Variants in MEIS2 observed in about 807,000 individuals in gnomAD.
MEIS2 encodes Meis homeobox 2, also known as homeobox protein Meis2.
A neutral mutation model predicts 58.6 loss-of-function variants in MEIS2; 9 were observed. That is an observed-to-expected ratio of 0.15 (90% CI 0.09 to 0.27). MEIS2 has a LOEUF of 0.27. Ranked by LOEUF, MEIS2 falls within the 10% of genes least tolerant of loss-of-function variation. The pLI is 1.00. For synonymous variants in MEIS2, 221 were observed against 228.4 expected, an observed-to-expected ratio of 0.97 and a Z score of 0.29; for missense variants, 427 against 635.0, an observed-to-expected ratio of 0.67 and a Z score of 3.52.
At chr15:36,998,125 C>G (rs1194615392) in intron 8 of MEIS2, among the ~76,000 whole-genome samples, 2 of 151,978 alleles carry the variant, frequency 1.3e-5, no homozygotes, top group African/African-American at 4.8e-5. Flanking sequence ...ATAGGTTGTT[C>G]ATGTCCTCCT....
chr15:36,942,891 G>T (rs1306752003), intron 9 of MEIS2, among the ~76,000 whole-genome samples: 1 of 151,954 alleles, frequency 6.6e-6, no homozygotes, highest in Non-Finnish European at 1.5e-5. Context: ...TATGATATTG[G>T]TATATTCTGA....
At chr15:36,902,424 GA>G (rs1260018826) in intron 9 of MEIS2, among the ~76,000 whole-genome samples, 5 of 152,242 alleles carry the variant, frequency 3.3e-5, no homozygotes, top group African/African-American at 7.2e-5. Context: ...GTGGGAGGTG[GA>G]TAGGGGAGTG....
chr15:37,073,061 G>C (rs1433587631), intron 7 of MEIS2, among the ~76,000 whole-genome samples: 1 of 151,998 alleles, frequency 6.6e-6, no homozygotes, highest in Admixed American at 6.6e-5. Context: ...TAGAACCCAG[G>C]ACAGTACTTG....
chr15:37,042,749 C>T (rs775924945), intron 7 of MEIS2, among the ~76,000 whole-genome samples: 5 of 152,164 alleles, frequency 3.3e-5, no homozygotes, highest in Non-Finnish European at 7.3e-5. Context: ...GCTAACTCTT[C>T]TCCAGAAGTC....
chr15:37,046,396 C>T (rs558850775), intron 7 of MEIS2, among the ~76,000 whole-genome samples: 4 of 152,188 alleles, frequency 2.6e-5, no homozygotes, highest in Admixed American at 2.6e-4. Context: ...TGCAAATGTG[C>T]GTCCAGAGAC....
intron 8 of MEIS2, among the ~76,000 whole-genome samples, chr15:36,964,143 C>T (rs182600100): frequency 6.6e-6 from 1 of 152,258 alleles, no homozygotes; most frequent in East Asian, 1.9e-4. Context: ...TAATACTCCC[C>T]AAAGGACGAA....
At chr15:37,094,614 G>T (rs747488244) in intron 4 of MEIS2, 37 bp from the exon 5 acceptor site, 5 of 1,588,392 alleles carry the variant, frequency 3.1e-6, no homozygotes, top group Non-Finnish European at 3.4e-6. Context: ...TTAGAGCTCT[G>T]TGACTCTGAG....
chr15:37,056,812 G>T (rs1211288403), intron 7 of MEIS2, among the ~76,000 whole-genome samples: 1 of 152,184 alleles, frequency 6.6e-6, no homozygotes, highest in Non-Finnish European at 1.5e-5. Flanking sequence ...CCCCCACCCT[G>T]GGCACAATGG....
intron 7 of MEIS2, among the ~76,000 whole-genome samples, chr15:37,040,186 C>T (rs1159785132): frequency 2.6e-5 from 4 of 151,946 alleles, no homozygotes; most frequent in Non-Finnish European, 4.4e-5. Flanking sequence ...CACAAATGCA[C>T]GTGCCAAATG....
chr15:36,991,783 C>CTTTTTTTTTTTTTTTTTTT (rs11285545), intron 8 of MEIS2, among the ~76,000 whole-genome samples: 3 of 51,036 alleles, frequency 5.9e-5, no homozygotes, highest in Admixed American at 2.8e-4. Flanking sequence ...TTTTTTTTTT[C>CTTTTTTTTTTTTTTTTTTT]TTTTTTTTTT....
At chr15:37,046,849 A>G (rs1050362253) in intron 7 of MEIS2, among the ~76,000 whole-genome samples, 2 of 150,878 alleles carry the variant, frequency 1.3e-5, no homozygotes, top group African/African-American at 4.9e-5. Flanking sequence ...ATATATATAT[A>G]TATATATTTA....
chr15:37,067,943 T>C (rs1243596456), intron 7 of MEIS2, among the ~76,000 whole-genome samples: 1 of 152,090 alleles, frequency 6.6e-6, no homozygotes, highest in Non-Finnish European at 1.5e-5. Flanking sequence ...CACATGCATA[T>C]TATTATCACT....
At chr15:37,014,245 T>G in intron 8 of MEIS2, among the ~76,000 whole-genome samples, 1 of 152,176 alleles carries the variant, frequency 6.6e-6, no homozygotes, top group Non-Finnish European at 1.5e-5. Context: ...TATCTGCACT[T>G]CAAAGTCAGC....
rs114705295 is a variant in MEIS2, at chr15:36,907,512, C to A, written c.978-10826G>T. ...AAGCAGCAGGGGATACTTCAGAAGA[C>A]CAGATTGGCATGCCAGAAGTGTTTG... On this transcript the variant is annotated intron_variant, in intron 9 of 11. Transcript: ENST00000561208. Among the ~76,000 whole-genome samples the A allele has an allele frequency of 3.5e-3, 534 of 152,256 alleles. 5 individuals carry two copies. The highest frequency in any genetic ancestry group is 0.012 in the African/African-American group (516 of 41,548).
At chr15:36,941,085 A>C (rs924796189) in intron 9 of MEIS2, among the ~76,000 whole-genome samples, 1 of 152,168 alleles carries the variant, frequency 6.6e-6, no homozygotes, top group Non-Finnish European at 1.5e-5. Flanking sequence ...CAAACACGGA[A>C]ACACAGAATC....
At position 37,011,910 on chromosome 15, in the gene MEIS2, G is replaced by A. The variant is rs569955134; in HGVS notation, c.900+24904C>T. Among the ~76,000 whole-genome samples the A allele has an allele frequency of 3.9e-5, 6 of 152,138 alleles. No individual in the cohort carries two copies. The East Asian group carries it at 1.2e-3, about 29-fold the overall frequency. On this transcript the variant is annotated intron_variant, in intron 8 of 11. Coordinates refer to ENST00000561208, the MANE Select transcript of MEIS2 (RefSeq NM_170675.5). ...TGGGATTACAGGTGTGAGGCACTGC[G>A]CCCGGTGGTGGTTTTACAGTCCATA...
At chr15:37,086,850 G>T (rs1892956436) in intron 6 of MEIS2, among the ~76,000 whole-genome samples, 1 of 152,134 alleles carries the variant, frequency 6.6e-6, no homozygotes, top group Non-Finnish European at 1.5e-5. Context: ...ACAAAAAATT[G>T]TTCCTCCTTG....
chr15:37,011,862 C>G (rs935862919), intron 8 of MEIS2, among the ~76,000 whole-genome samples: 4 of 151,972 alleles, frequency 2.6e-5, no homozygotes. Context: ...TCGTGATCTG[C>G]CCACCTCAGT....
chr15:36,902,746 C>A (rs2056541886), intron 9 of MEIS2, among the ~76,000 whole-genome samples: 1 of 152,184 alleles, frequency 6.6e-6, no homozygotes, highest in African/African-American at 2.4e-5. Flanking sequence ...ATACTCTTCT[C>A]TTTAGGTATC....
Sources: allele counts gnomAD v4.1 joint callset (sites outside exome capture counted in the v4.1 genomes callset), GRCh38; gene constraint gnomAD v4.1.1; transcripts MANE v1.5; gene names NCBI Gene and HGNC (gene_info 2026-07-23, HGNC 2026-07-21).